The following IMMT variants were observed in gnomAD, a reference collection of about 807,000 sequenced individuals.
The protein encoded by IMMT is inner membrane mitochondrial protein, also known as MICOS complex subunit MIC60.
A neutral mutation model predicts 92.7 loss-of-function variants in IMMT; 40 were observed. The observed-to-expected ratio is 0.43, with a 90% CI of 0.34 to 0.56. IMMT has a LOEUF of 0.56. IMMT is among the 20% of genes least tolerant of loss of function. IMMT has a pLI of 0.03. For synonymous variants in IMMT, 322 were observed against 336.1 expected (o/e 0.96, Z 0.46); for missense variants, 831 against 912.1 (o/e 0.91, Z 1.14).
rs1470970831 is a variant in IMMT, at chr2:86,162,169, TA to T, written c.793-91del. Reference sequence around the variant, plus strand: ...GATTGAACACAGAAACATGTGACATTAAATTCAAAGGTAAAAATTTATATGC... The same window carrying T: ...GATTGAACACAGAAACATGTGACATTAATTCAAAGGTAAAAATTTATATGC... On this transcript the variant is annotated intron_variant, in intron 7 of 14. Coordinates refer to ENST00000410111, the MANE Select transcript of IMMT (RefSeq NM_006839.3). 17 of 758,416 alleles carry T rather than the reference TA, an allele frequency of 2.2e-5. No homozygotes were observed. In the Admixed American group the frequency reaches 4.9e-4, roughly 22 times the overall value. The allele number at this position is 758,416 out of a possible 1,614,324, so 47.0% of individuals were successfully genotyped here. A position where few individuals can be genotyped will look rare whatever the true frequency, so the allele number is the denominator to read the frequency against.
chr2:86,159,957 A>T (rs1016674028), intron 8 of IMMT: 8 of 203,650 alleles, frequency 3.9e-5, no homozygotes, highest in Non-Finnish European at 6.8e-5. Context: ...TCTTTTTTTT[A>T]AAGACTAGTC....
intron 11 of IMMT, among the ~76,000 whole-genome samples, chr2:86,152,294 A>C (rs1454074898): frequency 1.3e-5 from 2 of 152,064 alleles, no homozygotes; most frequent in Non-Finnish European, 2.9e-5. Context: ...TGCAAAAATT[A>C]GCTGGGCATG....
At chr2:86,150,502 T>G (rs1041200104) in intron 12 of IMMT, among the ~76,000 whole-genome samples, 1 of 152,126 alleles carries the variant, frequency 6.6e-6, no homozygotes, top group Non-Finnish European at 1.5e-5. Flanking sequence ...TGGCCAGTAG[T>G]ACTGCTAAGA....
At chr2:86,156,593 CAAAAAAAAAAAA>C (rs57252871) in intron 10 of IMMT, among the ~76,000 whole-genome samples, 1 of 44,664 alleles carries the variant, frequency 2.2e-5, no homozygotes, top group Non-Finnish European at 4.7e-5. Context: ...GACTCCATCT[CAAAAAAAAAAAA>C]AAAAAAAAAG....
chr2:86,170,119 T>C (rs1230612401), intron 6 of IMMT, among the ~76,000 whole-genome samples: 15 of 150,506 alleles, frequency 1.0e-4, no homozygotes, highest in Admixed American at 8.6e-4. Context: ...CAATTATTAA[T>C]AAAAGACTCT....
At chr2:86,184,092 A>T (rs922679596) in intron 1 of IMMT, among the ~76,000 whole-genome samples, 1 of 152,018 alleles carries the variant, frequency 6.6e-6, no homozygotes, top group African/African-American at 2.4e-5. Flanking sequence ...TCTCCAACAC[A>T]CTGTATTGTA....
At chr2:86,155,541 G>C (rs891766125) in intron 10 of IMMT, among the ~76,000 whole-genome samples, 3 of 152,200 alleles carry the variant, frequency 2.0e-5, no homozygotes, top group African/African-American at 7.2e-5. Context: ...GAAGCACTTA[G>C]AACTCAGTGC....
chr2:86,150,898 C>T (rs748936650), intron 12 of IMMT, among the ~76,000 whole-genome samples: 1 of 151,420 alleles, frequency 6.6e-6, no homozygotes, highest in Non-Finnish European at 1.5e-5. Flanking sequence ...TATTCAATAT[C>T]CTAAAGCCAA....
Position 86,166,547 on chromosome 2 carries a change from T to C in IMMT, c.753A>G (p.Ala251=). ...AQNAAVQAVN[A]HSNILKAAMD... ...TGGCGGCTTTCAATATGTTGGAGTG[T>C]GCATTGACAGCCTGGACCGCAGCAT... The change falls in exon 7 of 15, where the codon GCA becomes GCG. Residue 251 remains alanine, a synonymous_variant. Coordinates refer to ENST00000410111, the MANE Select transcript of IMMT (RefSeq NM_006839.3). The C allele has an allele frequency of 1.2e-6, 2 of 1,613,100 alleles. No individual in the cohort carries two copies. Among genetic ancestry groups the C allele is most frequent in the Non-Finnish European group, 1.7e-6 (2 of 1,179,792 alleles).
chr2:86,159,050 T>C (rs1304206127), intron 9 of IMMT, among the ~76,000 whole-genome samples: 2 of 151,674 alleles, frequency 1.3e-5, no homozygotes, highest in South Asian at 2.1e-4. Flanking sequence ...ATCAACAATA[T>C]GGAACAATCC....
At chr2:86,179,277 A>G (rs1287318493) in intron 3 of IMMT, among the ~76,000 whole-genome samples, 156 bp downstream of exon 3, 2 of 152,242 alleles carry the variant, frequency 1.3e-5, no homozygotes, top group African/African-American at 2.4e-5. Context: ...AACATTTTAT[A>G]TCTGAGACTT....
At chr2:86,177,245 A>G (rs1677488431) in intron 3 of IMMT, among the ~76,000 whole-genome samples, 1 of 121,036 alleles carries the variant, frequency 8.3e-6, no homozygotes, top group African/African-American at 3.1e-5. Flanking sequence ...GCTCTTTTAC[A>G]GACTTTTTTT....
rs1418431826 is a variant in IMMT at position 86,146,046 on chromosome 2, GAT to G, written c.1663+20_1663+21del. On this transcript the variant is annotated intron_variant, in intron 14 of 14. Transcript: ENST00000410111. Reference sequence around the variant, plus strand: ...TTATGCTGAGGAAAATTATCTGTAAGATAAACATAGCTTATGCTTACTCTGAA... The same window carrying G: ...TTATGCTGAGGAAAATTATCTGTAAGAAACATAGCTTATGCTTACTCTGAA... The G allele has an allele frequency of 1.3e-6, 2 of 1,484,392 alleles. No individual in the cohort carries two copies. The highest frequency in any genetic ancestry group is 1.8e-6 in the Non-Finnish European group (2 of 1,104,256). The allele number at this position is 1,484,392 out of a possible 1,614,324, so 92.0% of individuals were successfully genotyped here.
At chr2:86,192,914 T>C (rs765735934) in intron 1 of IMMT, 6 of 154,088 alleles carry the variant, frequency 3.9e-5, no homozygotes, top group Non-Finnish European at 5.9e-5. Context: ...AAATGAAATA[T>C]GAGAAGAGTC....
rs1367129454 is a variant in IMMT, at chr2:86,147,733, T to C, written c.1502A>G (p.Gln501Arg). ...AAATTCAGACTTCAATTCCTGTTCTTGTACCCTAAGGACATCTCGCAAGTG... is the reference window on the plus strand; with the variant it reads ...AAATTCAGACTTCAATTCCTGTTCTCGTACCCTAAGGACATCTCGCAAGTG... ...TDHLRDVLRVQEQELKSEFEQ... is the reference protein window; with the variant it reads ...TDHLRDVLRVREQELKSEFEQ... Residue 501 changes from glutamine to arginine, a missense_variant, in exon 13 of 15, where the codon CAA becomes CGA. By Grantham distance (43) the Gln-to-Arg change is conservative. Coordinates refer to ENST00000410111, the MANE Select transcript of IMMT (RefSeq NM_006839.3). 2 of 1,613,728 alleles carry C rather than the reference T, an allele frequency of 1.2e-6. No homozygotes were observed. Among genetic ancestry groups the C allele is most frequent in the Non-Finnish European group, 1.7e-6 (2 of 1,179,750 alleles).
chr2:86,182,766 GC>G (rs1342417126), intron 1 of IMMT, among the ~76,000 whole-genome samples: 4 of 45,400 alleles, frequency 8.8e-5, no homozygotes, highest in African/African-American at 2.1e-4. Context: ...AATCACTTGA[GC>G]TTGAGCCCCG....
chr2:86,146,204 TAAAAC>T lies in IMMT; in HGVS notation c.1534-12_1534-8del, dbSNP rs1674995156. 3 of 1,599,212 alleles carry T rather than the reference TAAAAC, an allele frequency of 1.9e-6. No homozygotes were observed. Among genetic ancestry groups the T allele is most frequent in the African/African-American group, 1.3e-5 (1 of 74,824 alleles). On this transcript the variant is annotated splice_region_variant and splice_polypyrimidine_tract_variant and intron_variant, in intron 13 of 14. Transcript: ENST00000410111. ...AGAGTTTCTCAGACAGGTTCTGAAA[TAAAAC>T]AGAAATAGTTCCAGAAAAAAGTGAT...
rs781074678 is a variant in IMMT, at chr2:86,146,033, A to G, written c.1663+35T>C. ...TTATTTTGATAAATTATGCTGAGGA[A>G]AATTATCTGTAAGATAAACATAGCT... On this transcript the variant is annotated intron_variant, in intron 14 of 14. Transcript: ENST00000410111. 3 of 1,454,844 alleles carry G rather than the reference A, an allele frequency of 2.1e-6. No individual in the cohort carries two copies. The South Asian group carries it at 4.5e-5, about 22-fold the overall frequency. 90.1% of individuals were successfully genotyped at this position (1,454,844 alleles called of 1,614,324 possible).
chr2:86,168,905 A>G (rs1298627667), intron 6 of IMMT, among the ~76,000 whole-genome samples: 1 of 152,206 alleles, frequency 6.6e-6, no homozygotes, highest in East Asian at 1.9e-4. Flanking sequence ...ATCCCATGAC[A>G]TGCGTGAGTG....
Sources: allele counts gnomAD v4.1 joint callset (sites outside exome capture counted in the v4.1 genomes callset), GRCh38; gene constraint gnomAD v4.1.1; transcripts MANE v1.5; gene names NCBI Gene and HGNC (gene_info 2026-07-23, HGNC 2026-07-21).